The following TBC1D22B variants were observed in gnomAD, a reference collection of about 807,000 sequenced individuals.
The protein encoded by TBC1D22B is chromosome 6 open reading frame 197.
A neutral mutation model predicts 69.1 loss-of-function variants in TBC1D22B; 32 were observed. The ratio of observed to expected loss-of-function variants is 0.46; its 90% confidence interval spans 0.35 to 0.62. TBC1D22B has a LOEUF of 0.62. Ranked by LOEUF, TBC1D22B falls within the 20% of genes least tolerant of loss-of-function variation. TBC1D22B has a pLI of 0.00. For synonymous variants in TBC1D22B, 206 were observed against 229.8 expected (o/e 0.90, Z 0.94); for missense variants, 462 against 630.9 (o/e 0.73, Z 2.87).
At chr6:37,309,282 G>A (rs1212196043) in intron 8 of TBC1D22B, among the ~76,000 whole-genome samples, 2 of 152,160 alleles carry the variant, frequency 1.3e-5, no homozygotes, top group African/African-American at 4.8e-5. Flanking sequence ...TTGCTATTCT[G>A]TCTGACAAAA....
rs531929849 is a variant in TBC1D22B at position 37,259,666 on chromosome 6, G to A, written c.56+1693G>A. The stretch of plus-strand genomic sequence containing the variant: ...TCTTTTCAGTTTCTTCAAGTTTCTG[G>A]ATTCCTTTTTCATTTTGAAGAATAT... On this transcript the variant is annotated intron_variant, in intron 1 of 12. Coordinates refer to ENST00000373491, the MANE Select transcript of TBC1D22B (RefSeq NM_017772.4). 5.4e-3 allele frequency among the ~76,000 whole-genome samples: 826 copies of A among 152,196 alleles called. 7 individuals are homozygous for A. The highest frequency in any genetic ancestry group is 0.018 in the African/African-American group (763 of 41,514).
intron 12 of TBC1D22B, among the ~76,000 whole-genome samples, chr6:37,327,920 GT>G (rs967745927): frequency 7.4e-5 from 11 of 148,828 alleles, no homozygotes; most frequent in Admixed American, 2.7e-4. Flanking sequence ...AGCAAAGTTT[GT>G]TTTTTTTTTA....
chr6:37,267,145 C>T (rs1766304358), intron 1 of TBC1D22B, among the ~76,000 whole-genome samples: 1 of 150,694 alleles, frequency 6.6e-6, no homozygotes, highest in Non-Finnish European at 1.5e-5. Context: ...CTACGTTGCT[C>T]AGGCTGGTCA....
At chr6:37,260,761 G>A (rs971523276) in intron 1 of TBC1D22B, among the ~76,000 whole-genome samples, 9 of 152,062 alleles carry the variant, frequency 5.9e-5, no homozygotes, top group Non-Finnish European at 1.3e-4. Context: ...TTTGTGAGTG[G>A]CTTCTTTTAT....
intron 2 of TBC1D22B, among the ~76,000 whole-genome samples, chr6:37,273,661 TGGG>T (rs1766572986): frequency 1.3e-5 from 2 of 152,240 alleles, no homozygotes; most frequent in Non-Finnish European, 2.9e-5. Context: ...CTTTACAGTT[TGGG>T]AGGAGTTTAG....
At chr6:37,316,650 C>G (rs1768089103) in intron 10 of TBC1D22B, 53 bp from the exon 11 acceptor site, 1 of 1,608,838 alleles carries the variant, frequency 6.2e-7, no homozygotes, top group African/African-American at 1.3e-5. Context: ...CTCCTGTGGC[C>G]CTTTCAGGGT....
At chr6:37,298,159 G>A (rs195757) in intron 8 of TBC1D22B, among the ~76,000 whole-genome samples, 132,562 of 152,120 alleles carry the variant, frequency 0.87, 57,802 homozygotes, top group South Asian at 0.91. Context: ...ACAAACCTGC[G>A]CGTCCTACAC....
chr6:37,328,674 A>C (rs1768497834), intron 12 of TBC1D22B, among the ~76,000 whole-genome samples: 1 of 152,220 alleles, frequency 6.6e-6, no homozygotes, highest in Non-Finnish European at 1.5e-5. Context: ...AAATGTTTTA[A>C]AATGGCTTCC....
rs1008565190 is a variant in TBC1D22B, at chr6:37,327,350, C to T, written c.1390-3694C>T. Among the ~76,000 whole-genome samples, 38 of 133,898 alleles carry T rather than the reference C, an allele frequency of 2.8e-4. 4 individuals are homozygous for T. The highest frequency in any genetic ancestry group is 3.8e-4 in the Admixed American group (5 of 13,182). The allele number at this position is 133,898 out of a possible 152,430, so 87.8% of individuals were successfully genotyped here. ...AAAATTAGCCGGGCGTGGTGGTGGGCGCCTGTAGTCCCAGCTGCTCGGGAG... is the reference window on the plus strand; with the variant it reads ...AAAATTAGCCGGGCGTGGTGGTGGGTGCCTGTAGTCCCAGCTGCTCGGGAG... On this transcript the variant is annotated intron_variant, in intron 12 of 12. Coordinates refer to ENST00000373491, the MANE Select transcript of TBC1D22B (RefSeq NM_017772.4).
At chr6:37,261,432 CAAAAAAAAAA>C (rs56999111) in intron 1 of TBC1D22B, among the ~76,000 whole-genome samples, 4 of 75,928 alleles carry the variant, frequency 5.3e-5, no homozygotes, top group Admixed American at 3.0e-4. Flanking sequence ...AGATTGTCTC[CAAAAAAAAAA>C]AAAAAAAAAA....
chr6:37,259,710 C>G (rs943382793), intron 1 of TBC1D22B, among the ~76,000 whole-genome samples: 1 of 152,114 alleles, frequency 6.6e-6, no homozygotes, highest in Admixed American at 6.5e-5. Context: ...AGAGAACTTT[C>G]GAGTTCAGAA....
intron 6 of TBC1D22B, among the ~76,000 whole-genome samples, chr6:37,285,662 T>C (rs1766986240): frequency 6.6e-6 from 1 of 152,178 alleles, no homozygotes; most frequent in African/African-American, 2.4e-5. Context: ...CCAGCTAATT[T>C]TTGTAATTTT....
At chr6:37,291,557 T>C (rs1767185033) in intron 8 of TBC1D22B, among the ~76,000 whole-genome samples, 200 bp downstream of exon 8, 1 of 152,252 alleles carries the variant, frequency 6.6e-6, no homozygotes, top group South Asian at 2.1e-4. Flanking sequence ...AGATCTCACC[T>C]AAAAAGACCT....
intron 6 of TBC1D22B, among the ~76,000 whole-genome samples, chr6:37,285,513 G>A (rs1388895347): frequency 6.6e-6 from 1 of 151,426 alleles, no homozygotes; most frequent in Non-Finnish European, 1.5e-5. Context: ...TCTTTTTTGA[G>A]ACCGAGTCTT....
intron 8 of TBC1D22B, among the ~76,000 whole-genome samples, chr6:37,298,070 T>G (rs1767442765): frequency 6.6e-6 from 1 of 152,020 alleles, no homozygotes. Flanking sequence ...AGGGGAGAGA[T>G]AGCATTAGGA....
intron 7 of TBC1D22B, among the ~76,000 whole-genome samples, chr6:37,289,354 T>A (rs114033124): frequency 0.014 from 2,204 of 152,328 alleles, 57 homozygotes; most frequent in African/African-American, 0.048. Flanking sequence ...GGTTCTCCTA[T>A]CCACTCCTCT....
At position 37,331,277 on chromosome 6, in the gene TBC1D22B, G is replaced by A. The variant is rs1360279367; in HGVS notation, c.*105G>A. Reference sequence around the variant, plus strand: ...ACCCCGGCCAGGAACCACTCCTGTTGTACAAAGCTCACACCCACCGCCCAG... The same window carrying A: ...ACCCCGGCCAGGAACCACTCCTGTTATACAAAGCTCACACCCACCGCCCAG... On this transcript the variant is annotated 3_prime_UTR_variant, in exon 13 of 13. Transcript: ENST00000373491. 1 of 1,238,738 alleles carries A rather than the reference G, an allele frequency of 8.1e-7. No homozygotes were observed. The highest frequency in any genetic ancestry group is 1.5e-5 in the African/African-American group (1 of 67,296). 76.7% of individuals were successfully genotyped at this position (1,238,738 alleles called of 1,614,324 possible).
Position 37,332,792 on chromosome 6 carries a change from TG to T in TBC1D22B, c.*1621del, listed in dbSNP as rs1768621083. Reference sequence around the variant, plus strand: ...ACCCTCTTCCTTTTCCCCTTCGGTGTGCCTCAGTGGTCTCCTTCATAGAGTG... The same window carrying T: ...ACCCTCTTCCTTTTCCCCTTCGGTGTCCTCAGTGGTCTCCTTCATAGAGTG... On this transcript the variant is annotated 3_prime_UTR_variant, in exon 13 of 13. Coordinates refer to ENST00000373491, the MANE Select transcript of TBC1D22B (RefSeq NM_017772.4). 2 of 152,710 alleles carry T rather than the reference TG, an allele frequency of 1.3e-5. No individual in the cohort carries two copies. Among genetic ancestry groups the T allele is most frequent in the Admixed American group, 6.5e-5 (1 of 15,286 alleles). 9.5% of individuals were successfully genotyped at this position (152,710 alleles called of 1,614,324 possible). A position where few individuals can be genotyped will look rare whatever the true frequency, so the allele number is the denominator to read the frequency against.
At chr6:37,318,265 A>G (rs1768139152) in intron 12 of TBC1D22B, among the ~76,000 whole-genome samples, 1 of 152,320 alleles carries the variant, frequency 6.6e-6, no homozygotes, top group East Asian at 1.9e-4. Flanking sequence ...AGAGCCAACA[A>G]GATTTCCTGA....
Sources: gnomAD v4.1 joint callset for allele counts (sites outside exome capture counted in the v4.1 genomes callset) on GRCh38, gnomAD v4.1.1 for gene constraint, MANE v1.5 for transcripts, NCBI Gene and HGNC (gene_info 2026-07-23, HGNC 2026-07-21) for gene names.